The following PIK3C2G variants were observed in gnomAD, a reference collection of about 807,000 sequenced individuals.
PIK3C2G encodes the protein phosphatidylinositol 3-kinase C2 domain-containing subunit gamma.
PIK3C2G carries 168 observed loss-of-function variants against 181.1 expected under a neutral mutation model. The ratio of observed to expected loss-of-function variants is 0.93; its 90% CI spans 0.82 to 1.05. PIK3C2G has a LOEUF of 1.05. Ranked by LOEUF, PIK3C2G falls within the 50% of genes least tolerant of loss-of-function variation. The probability of loss-of-function intolerance (pLI) is 0.00; values close to 1 mark genes in which losing one functional copy is unlikely to be tolerated. For synonymous variants in PIK3C2G, 573 were observed against 592.2 expected, an observed-to-expected ratio of 0.97 and a Z score of 0.47; for missense variants, 1,869 against 1,732.8, an observed-to-expected ratio of 1.08 and a Z score of -1.40.
At chr12:18,290,152 C>T (rs1432954690) in intron 3 of PIK3C2G, among the ~76,000 whole-genome samples, 20 of 152,024 alleles carry the variant, frequency 1.3e-4, no homozygotes, top group Admixed American at 1.3e-3. Context: ...CTATTAATAT[C>T]TTTACTTGTT....
At chr12:18,722,928 C>T in the PIK3C2G span, among the ~76,000 whole-genome samples, 1 of 151,852 alleles carries the variant, frequency 6.6e-6, no homozygotes, top group East Asian at 1.9e-4. Flanking sequence ...TAATATAATG[C>T]ATTAAAATGG....
At chr12:18,281,528 G>GA (rs144623772) in intron 1 of PIK3C2G, among the ~76,000 whole-genome samples, 2 of 151,808 alleles carry the variant, frequency 1.3e-5, no homozygotes, top group South Asian at 2.1e-4. Context: ...TTTTTTGGGG[G>GA]AAAAAAAGTT....
chr12:18,243,255 T>A, upstream of PIK3C2G, among the ~76,000 whole-genome samples: 1 of 151,626 alleles, frequency 6.6e-6, no homozygotes, highest in East Asian at 1.9e-4. Context: ...TTTTCCTAGA[T>A]AACAAATTGT....
At chr12:18,680,263 C>T in the PIK3C2G span, among the ~76,000 whole-genome samples, 3 of 152,014 alleles carry the variant, frequency 2.0e-5, no homozygotes, top group Non-Finnish European at 4.4e-5. Context: ...ACAGCACAAG[C>T]TTCTTCCTAG....
At chr12:18,546,199 C>T (rs1048533853) in intron 25 of PIK3C2G, 124 bp from the exon 26 acceptor site, 22 of 624,900 alleles carry the variant, frequency 3.5e-5, no homozygotes, top group South Asian at 9.8e-5. Flanking sequence ...TGTATATAAA[C>T]TGAAAGACAT....
At chr12:18,630,149 T>TA (rs1455728749) in intron 31 of PIK3C2G, among the ~76,000 whole-genome samples, 2 of 152,092 alleles carry the variant, frequency 1.3e-5, no homozygotes, top group Non-Finnish European at 2.9e-5. Context: ...CGGTGGCTCA[T>TA]ACCTATAATC....
chr12:18,675,328 T>C, the PIK3C2G span, among the ~76,000 whole-genome samples: 4 of 152,142 alleles, frequency 2.6e-5, no homozygotes, highest in African/African-American at 9.7e-5. Flanking sequence ...GGGAAAGTTT[T>C]ATAACCATTA....
downstream of PIK3C2G, among the ~76,000 whole-genome samples, chr12:18,650,708 A>ATC (rs1950454117): frequency 7.7e-4 from 6 of 7,796 alleles, no homozygotes; most frequent in African/African-American, 3.1e-3. Flanking sequence ...GTGTGTGTAT[A>ATC]TATCTATATA....
intron 5 of PIK3C2G, among the ~76,000 whole-genome samples, chr12:18,298,579 T>C (rs566732401): frequency 6.6e-6 from 1 of 152,062 alleles, no homozygotes; most frequent in Middle Eastern, 3.4e-3. Context: ...TTTTTGTTTT[T>C]GTTGCCTGTG....
chr12:18,550,118 A>G (rs1944646323), intron 26 of PIK3C2G, among the ~76,000 whole-genome samples: 1 of 152,078 alleles, frequency 6.6e-6, no homozygotes, highest in Admixed American at 6.6e-5. Flanking sequence ...ATATACATCA[A>G]GCACTGAGGA....
intron 16 of PIK3C2G, among the ~76,000 whole-genome samples, chr12:18,412,057 T>C (rs746826136): frequency 1.3e-5 from 2 of 152,140 alleles, no homozygotes; most frequent in African/African-American, 4.8e-5. Context: ...ACCGGCCCTA[T>C]TGACATTTGC....
chr12:18,581,993 G>C (rs972353118), intron 29 of PIK3C2G, among the ~76,000 whole-genome samples: 1 of 152,080 alleles, frequency 6.6e-6, no homozygotes, highest in Non-Finnish European at 1.5e-5. Context: ...AAAGAAGAAG[G>C]GATAATGAGC....
chr12:18,639,164 A>G (rs1192493897), intron 31 of PIK3C2G, among the ~76,000 whole-genome samples: 2 of 151,972 alleles, frequency 1.3e-5, no homozygotes, highest in Non-Finnish European at 2.9e-5. Context: ...ATTTTATCTT[A>G]TTTGTTAATA....
the PIK3C2G span, among the ~76,000 whole-genome samples, chr12:18,688,700 A>G: frequency 3.4e-3 from 514 of 152,190 alleles, no homozygotes; most frequent in Non-Finnish European, 5.4e-3. Flanking sequence ...TGGGTATCAA[A>G]AAAATCTTAA....
At chr12:18,448,158 A>G (rs993040597) in intron 18 of PIK3C2G, among the ~76,000 whole-genome samples, 8 of 152,180 alleles carry the variant, frequency 5.3e-5, no homozygotes, top group African/African-American at 1.7e-4. Context: ...ATTAAAACAT[A>G]CAATAAAATT....
chr12:18,276,982 C>G (rs1949012656), intron 1 of PIK3C2G, among the ~76,000 whole-genome samples: 1 of 152,136 alleles, frequency 6.6e-6, no homozygotes, highest in African/African-American at 2.4e-5. Context: ...CATAAAAGGG[C>G]AGCTAATCAA....
chr12:18,266,758 T>A (rs1010297385), intron 1 of PIK3C2G, among the ~76,000 whole-genome samples: 2 of 152,068 alleles, frequency 1.3e-5, no homozygotes, highest in African/African-American at 4.8e-5. Flanking sequence ...AAGTAAACTG[T>A]ATGTCCAGAT....
intron 5 of PIK3C2G, among the ~76,000 whole-genome samples, chr12:18,304,918 C>T (rs1240346300): frequency 6.6e-6 from 1 of 152,156 alleles, no homozygotes; most frequent in Non-Finnish European, 1.5e-5. Flanking sequence ...TAACTCTACT[C>T]CTCCACTTAT....
At chr12:18,402,050 T>A (rs2138142649) in intron 16 of PIK3C2G, among the ~76,000 whole-genome samples, 1 of 152,248 alleles carries the variant, frequency 6.6e-6, no homozygotes, top group South Asian at 2.1e-4. Context: ...TTTAAAAATA[T>A]GCCCACTCAA....
Sources: allele counts gnomAD v4.1 joint callset (sites outside exome capture counted in the v4.1 genomes callset), GRCh38; gene constraint gnomAD v4.1.1; transcripts MANE v1.5; gene names NCBI Gene and HGNC (gene_info 2026-07-23, HGNC 2026-07-21).